Variants in LDLRAD4 observed in about 807,000 individuals in gnomAD.
LDLRAD4 encodes low-density lipoprotein receptor class A domain-containing protein 4.
In LDLRAD4, 5 loss-of-function variants were observed where a neutral mutation model predicts 17.0. That is an observed-to-expected ratio of 0.29 (90% CI 0.15 to 0.62). LDLRAD4 has a LOEUF of 0.62. Among genes scored for constraint, LDLRAD4 ranks in the 20% least tolerant of loss-of-function variants. LDLRAD4 has a pLI of 0.84. For missense variants in LDLRAD4, 340 were observed against 424.7 expected, an observed-to-expected ratio of 0.80 and a Z score of 1.75; for synonymous variants, 168 against 171.8, an observed-to-expected ratio of 0.98 and a Z score of 0.17.
chr18:13,545,400 G>A (rs970650200), intron 3 of LDLRAD4, among the ~76,000 whole-genome samples: 2 of 152,156 alleles, frequency 1.3e-5, no homozygotes, highest in African/African-American at 4.8e-5. Context: ...AATGTATGGT[G>A]AGCCCTTAGT....
intron 3 of LDLRAD4, among the ~76,000 whole-genome samples, chr18:13,516,453 G>A (rs1456294246): frequency 6.6e-6 from 1 of 152,192 alleles, no homozygotes; most frequent in African/African-American, 2.4e-5. Context: ...GGACACCTGT[G>A]CCTCTGAGGC....
At chr18:13,261,842 C>T (rs1373062989) in intron 1 of LDLRAD4, among the ~76,000 whole-genome samples, 5 of 149,246 alleles carry the variant, frequency 3.4e-5, no homozygotes, top group South Asian at 2.2e-4. Flanking sequence ...GTGGTGGGGG[C>T]GGGGGAGAGG....
At chr18:13,236,269 T>C (rs1360889045) in intron 1 of LDLRAD4, among the ~76,000 whole-genome samples, 2 of 150,580 alleles carry the variant, frequency 1.3e-5, no homozygotes, top group African/African-American at 2.4e-5. Context: ...CTTTTCCCCC[T>C]GGAACCATCA....
intron 2 of LDLRAD4, among the ~76,000 whole-genome samples, chr18:13,404,439 C>T (rs567092112): frequency 3.3e-5 from 5 of 152,220 alleles, no homozygotes; most frequent in Non-Finnish European, 5.9e-5. Flanking sequence ...CCCACGTGGA[C>T]ACAGCCCACT....
At position 13,643,471 on chromosome 18, in the gene LDLRAD4, G is replaced by T. The variant is rs1296771942; in HGVS notation, c.390+59G>T. 49 of 684,396 alleles carry T rather than the reference G, an allele frequency of 7.2e-5. No homozygotes were observed. The African/African-American group carries it at 8.3e-4, about 12-fold the overall frequency. The allele number at this position is 684,396 out of a possible 1,614,324, so 42.4% of individuals were successfully genotyped here. A position where few individuals can be genotyped will look rare whatever the true frequency, so the allele number is the denominator to read the frequency against. On this transcript the variant is annotated intron_variant, in intron 5 of 5. Transcript: ENST00000359446. ...GCGGGGGGGGTGGGTGGGGATGAAG[G>T]GGGCGTGTCCCTGCCACGTGGGGTG...
At chr18:13,619,486 T>TTG (rs58820493) in intron 3 of LDLRAD4, among the ~76,000 whole-genome samples, 4 of 124,754 alleles carry the variant, frequency 3.2e-5, no homozygotes, top group Non-Finnish European at 5.0e-5. Context: ...GGGAGCGTTT[T>TTG]TGTGTGTGTG....
At chr18:13,312,887 C>A (rs554720333) in intron 1 of LDLRAD4, among the ~76,000 whole-genome samples, 18 of 152,322 alleles carry the variant, frequency 1.2e-4, no homozygotes, top group African/African-American at 4.3e-4. Flanking sequence ...TCCTAAGCTT[C>A]AGTTGCATTA....
intron 3 of LDLRAD4, among the ~76,000 whole-genome samples, chr18:13,608,739 C>A (rs2095248492): frequency 6.6e-6 from 1 of 152,198 alleles, no homozygotes. Context: ...GCAGATGGAA[C>A]CTGAGACGAG....
At chr18:13,640,739 C>T (rs942388873) in intron 4 of LDLRAD4, among the ~76,000 whole-genome samples, 6 of 152,090 alleles carry the variant, frequency 3.9e-5, no homozygotes, top group East Asian at 1.9e-4. Context: ...GCATGCCCTG[C>T]GTTACCCTCT....
At chr18:13,271,439 A>C (rs961684420) in intron 1 of LDLRAD4, among the ~76,000 whole-genome samples, 1 of 152,180 alleles carries the variant, frequency 6.6e-6, no homozygotes, top group Non-Finnish European at 1.5e-5. Flanking sequence ...CTTCCAGCGC[A>C]CTTTCTGGGT....
Position 13,351,635 on chromosome 18 carries a change from G to A in LDLRAD4, c.-382-35706G>A, listed in dbSNP as rs184470614. Among the ~76,000 whole-genome samples, 889 of 151,996 alleles carry A rather than the reference G, an allele frequency of 5.8e-3. 11 individuals are homozygous for A. Among genetic ancestry groups the A allele is most frequent in the African/African-American group, 0.02 (847 of 41,462 alleles). On this transcript the variant is annotated intron_variant, in intron 1 of 5. Transcript: ENST00000359446. ...TTGAGGAATTAATAGCCTACCAACC[G>A]AAAAAAGCCCAGGACCAGACAGATT...
intron 3 of LDLRAD4, among the ~76,000 whole-genome samples, chr18:13,518,180 C>T (rs1262833839): frequency 6.6e-6 from 1 of 152,184 alleles, no homozygotes; most frequent in South Asian, 2.1e-4. Flanking sequence ...CATTATCCTC[C>T]TCTTGTGATG....
At chr18:13,634,728 C>T (rs1163430538) in intron 4 of LDLRAD4, among the ~76,000 whole-genome samples, 2 of 150,170 alleles carry the variant, frequency 1.3e-5, no homozygotes, top group African/African-American at 4.9e-5. Context: ...TCCATCCTAA[C>T]GTTTATATAT....
intron 3 of LDLRAD4, among the ~76,000 whole-genome samples, chr18:13,503,968 A>G (rs1311996089): frequency 1.3e-5 from 2 of 152,206 alleles, no homozygotes; most frequent in African/African-American, 4.8e-5. Flanking sequence ...ATAGTACATA[A>G]TACATGCCAG....
chr18:13,329,536 C>A (rs141120263), intron 1 of LDLRAD4, among the ~76,000 whole-genome samples: 292 of 152,316 alleles, frequency 1.9e-3, no homozygotes, highest in African/African-American at 6.6e-3. Context: ...ATCTATCAGT[C>A]TTTCCTTTTG....
At chr18:13,218,497 C>T (rs1198372701), upstream of LDLRAD4, among the ~76,000 whole-genome samples, 4 of 152,074 alleles carry the variant, frequency 2.6e-5, no homozygotes, top group Non-Finnish European at 4.4e-5. Context: ...TCTCCGCGCC[C>T]CTAGGCCTCG....
exon 6 of LDLRAD4, chr18:13,650,453 G>C (rs1291256849): frequency 2.5e-6 from 1 of 397,992 alleles, no homozygotes; most frequent in African/African-American, 2.1e-5. Flanking sequence ...TATATATGTA[G>C]ATATACCCCT....
intron 3 of LDLRAD4, among the ~76,000 whole-genome samples, chr18:13,451,925 C>T (rs2146394049): frequency 6.6e-6 from 1 of 152,318 alleles, no homozygotes; most frequent in Non-Finnish European, 1.5e-5. Context: ...AGTACAAAAA[C>T]TTTCAGAGCC....
chr18:13,242,067 A>C (rs1172703546), intron 1 of LDLRAD4: 5 of 152,268 alleles, frequency 3.3e-5, no homozygotes, highest in Middle Eastern at 3.2e-3. Context: ...ATGTGAAGCC[A>C]GCCACAAACA....
Sources: gnomAD v4.1 joint callset for allele counts (sites outside exome capture counted in the v4.1 genomes callset) on GRCh38, gnomAD v4.1.1 for gene constraint, MANE v1.5 for transcripts, NCBI Gene and HGNC (gene_info 2026-07-23, HGNC 2026-07-21) for gene names.